The following MAGI2 variants were observed in gnomAD, a reference collection of about 807,000 sequenced individuals.
MAGI2 encodes membrane associated guanylate kinase, WW and PDZ domain containing 2.
MAGI2 carries 35 observed loss-of-function variants against 133.3 expected under a neutral mutation model. That is an observed-to-expected ratio of 0.26 (90% CI 0.20 to 0.35). The LOEUF is 0.35. Ranked by LOEUF, MAGI2 falls within the 10% of genes least tolerant of loss-of-function variation. The probability of loss-of-function intolerance (pLI) is 1.00; values close to 1 mark genes in which losing one functional copy is unlikely to be tolerated. For missense variants in MAGI2, 1,636 were observed against 1,863.4 expected (o/e 0.88, Z 2.25); for synonymous variants, 729 against 710.6 (o/e 1.03, Z -0.41).
chr7:78,454,175 T>G (rs1789048744), intron 6 of MAGI2, among the ~76,000 whole-genome samples: 2 of 152,162 alleles, frequency 1.3e-5, no homozygotes, highest in South Asian at 4.1e-4. Context: ...CTCCATCGCA[T>G]GAGTAGGAAA....
chr7:78,033,470 CTCAAAAAA>C (rs1414048733), intron 21 of MAGI2, among the ~76,000 whole-genome samples: 1 of 27,254 alleles, frequency 3.7e-5, no homozygotes, highest in Non-Finnish European at 7.6e-5. Flanking sequence ...AAGAGCTTGT[CTCAAAAAA>C]AAAAAAAAAA....
intron 9 of MAGI2, among the ~76,000 whole-genome samples, chr7:78,277,350 T>A (rs1467311104): frequency 6.6e-6 from 1 of 152,142 alleles, no homozygotes; most frequent in Non-Finnish European, 1.5e-5. Flanking sequence ...TGAAAGAAAC[T>A]TTTTACCTCT....
chr7:78,617,279 G>T (rs537170886), intron 3 of MAGI2: 1 of 152,100 alleles, frequency 6.6e-6, no homozygotes, highest in Non-Finnish European at 1.5e-5. Context: ...TGAAGACAGT[G>T]TAAGTCAAAC....
At position 78,973,782 on chromosome 7, in the gene MAGI2, G is replaced by A. The variant is rs369432465; in HGVS notation, c.418+33308C>T. Among the ~76,000 whole-genome samples the A allele has an allele frequency of 2.7e-3, 408 of 151,824 alleles. 1 individual carries two copies. Among genetic ancestry groups the A allele is most frequent in the African/African-American group, 9.3e-3 (384 of 41,448 alleles). ...TTTCTGGTTGCCCTGCTGTATGCTCGTAGCTTGAAATCACAGATTGCAAGG... is the reference window on the plus strand; with the variant it reads ...TTTCTGGTTGCCCTGCTGTATGCTCATAGCTTGAAATCACAGATTGCAAGG... On this transcript the variant is annotated intron_variant, in intron 2 of 21. Coordinates refer to ENST00000354212, the MANE Select transcript of MAGI2 (RefSeq NM_012301.4).
At chr7:78,265,313 TA>T (rs1303384332) in intron 9 of MAGI2, among the ~76,000 whole-genome samples, 1 of 152,172 alleles carries the variant, frequency 6.6e-6, no homozygotes, top group Admixed American at 6.5e-5. Flanking sequence ...CACTTCAGAT[TA>T]AAAACTATAA....
rs538738040 is a variant in MAGI2 at position 78,904,879 on chromosome 7, C to A, written c.418+102211G>T. On this transcript the variant is annotated intron_variant, in intron 2 of 21. Transcript: ENST00000354212. ...GAGAAAGAATGAACCATAAGACAAACAGGTCTTCAGTTCGATGGCACAAAG... is the reference window on the plus strand; with the variant it reads ...GAGAAAGAATGAACCATAAGACAAAAAGGTCTTCAGTTCGATGGCACAAAG... Among the ~76,000 whole-genome samples, 5 of 152,286 alleles carry A rather than the reference C, an allele frequency of 3.3e-5. No individual in the cohort carries two copies. The South Asian group carries it at 1.0e-3, about 32-fold the overall frequency.
chr7:78,545,889 T>C (rs965167179), intron 3 of MAGI2, among the ~76,000 whole-genome samples: 1 of 152,224 alleles, frequency 6.6e-6, no homozygotes, highest in Non-Finnish European at 1.5e-5. Flanking sequence ...ATTAACTTTA[T>C]GGTACTAACA....
At chr7:79,256,792 A>T (rs994209053) in intron 1 of MAGI2, among the ~76,000 whole-genome samples, 1 of 151,984 alleles carries the variant, frequency 6.6e-6, no homozygotes, top group Non-Finnish European at 1.5e-5. Flanking sequence ...CGCCCCGCAA[A>T]AATATCTTTA....
intron 2 of MAGI2, among the ~76,000 whole-genome samples, chr7:78,827,883 C>A (rs377238285): frequency 6.6e-6 from 1 of 151,950 alleles, no homozygotes; most frequent in South Asian, 2.1e-4. Flanking sequence ...CTCCCCACCT[C>A]TTATTTTATT....
intron 2 of MAGI2, among the ~76,000 whole-genome samples, chr7:78,751,486 A>C (rs1036158960): frequency 3.3e-5 from 5 of 152,232 alleles, no homozygotes; most frequent in Admixed American, 1.3e-4. Flanking sequence ...TCAAGCTTCC[A>C]AATTTAGATT....
chr7:78,294,986 T>C (rs1797088322), intron 9 of MAGI2, among the ~76,000 whole-genome samples: 1 of 152,178 alleles, frequency 6.6e-6, no homozygotes, highest in East Asian at 1.9e-4. Context: ...AACATATTAT[T>C]TTTAAAGATA....
chr7:78,762,468 A>G (rs1475757101), intron 2 of MAGI2, among the ~76,000 whole-genome samples: 1 of 152,118 alleles, frequency 6.6e-6, no homozygotes, highest in African/African-American at 2.4e-5. Context: ...ACAAACAAAA[A>G]ACAAAGAAAA....
intron 1 of MAGI2, among the ~76,000 whole-genome samples, chr7:79,244,455 A>C (rs1832672084): frequency 6.6e-6 from 1 of 152,072 alleles, no homozygotes; most frequent in South Asian, 2.1e-4. Context: ...TGGGGGAGGG[A>C]GAGTGCAGTG....
At chr7:78,974,167 T>C (rs1192555548) in intron 2 of MAGI2, among the ~76,000 whole-genome samples, 1 of 151,560 alleles carries the variant, frequency 6.6e-6, no homozygotes, top group African/African-American at 2.4e-5. Flanking sequence ...AAAGGACAAG[T>C]GAGAATGTAC....
chr7:78,585,811 TG>T (rs1803338739), intron 3 of MAGI2, among the ~76,000 whole-genome samples: 1 of 152,118 alleles, frequency 6.6e-6, no homozygotes, highest in Non-Finnish European at 1.5e-5. Flanking sequence ...ACTGAGAGGG[TG>T]GGGTTACTTT....
At chr7:78,380,723 A>G (rs961179689) in intron 6 of MAGI2, among the ~76,000 whole-genome samples, 1 of 152,172 alleles carries the variant, frequency 6.6e-6, no homozygotes, top group Non-Finnish European at 1.5e-5. Flanking sequence ...TTGTACATTT[A>G]AAAATAACCA....
intron 2 of MAGI2, among the ~76,000 whole-genome samples, chr7:78,759,537 T>C (rs914824656): frequency 6.6e-6 from 1 of 152,186 alleles, no homozygotes; most frequent in African/African-American, 2.4e-5. Flanking sequence ...TTTCTCTAGA[T>C]GTGAATGTTA....
intron 3 of MAGI2, among the ~76,000 whole-genome samples, chr7:78,611,112 G>A (rs954654009): frequency 4.6e-5 from 7 of 152,124 alleles, no homozygotes. Flanking sequence ...TATCAAGTCT[G>A]GTGTTGTTTT....
intron 15 of MAGI2, among the ~76,000 whole-genome samples, chr7:78,161,867 A>T (rs1193834805): frequency 1.3e-5 from 2 of 152,142 alleles, no homozygotes; most frequent in South Asian, 2.1e-4. Flanking sequence ...AAAGGAAAAG[A>T]TGGATGCTTT....
Sources: gnomAD v4.1 joint callset for allele counts (sites outside exome capture counted in the v4.1 genomes callset) on GRCh38, gnomAD v4.1.1 for gene constraint, MANE v1.5 for transcripts, NCBI Gene and HGNC (gene_info 2026-07-23, HGNC 2026-07-21) for gene names.